The following MAP4K5 variants were observed in gnomAD, a reference collection of about 807,000 sequenced individuals.
MAP4K5 encodes the protein mitogen-activated protein kinase kinase kinase kinase 5.
In MAP4K5, 82 loss-of-function variants were observed where a neutral mutation model predicts 135.6. The observed-to-expected ratio is 0.60, with a 90% CI of 0.51 to 0.73. The LOEUF is 0.73. Ranked by LOEUF, MAP4K5 falls within the 30% of genes least tolerant of loss-of-function variation. The probability of loss-of-function intolerance (pLI) is 0.00; values close to 1 mark genes in which losing one functional copy is unlikely to be tolerated. For synonymous variants in MAP4K5, 347 were observed against 335.0 expected, an observed-to-expected ratio of 1.04 and a Z score of -0.39; for missense variants, 907 against 1,010.9, an observed-to-expected ratio of 0.90 and a Z score of 1.39.
At chr14:50,560,539 CCTT>C (rs1215938757) in intron 1 of MAP4K5, 1 of 565,682 alleles carries the variant, frequency 1.8e-6, no homozygotes, top group Admixed American at 3.0e-5. Context: ...GCCTCCAGCT[CCTT>C]CTTCCCCACC....
In MAP4K5 at chr14:50,531,183, T is replaced by C. The variant is rs182276174; in HGVS notation, c.108+759A>G. Among the ~76,000 whole-genome samples the C allele has an allele frequency of 2.7e-3, 417 of 152,344 alleles. 3 individuals carry two copies. The highest frequency in any genetic ancestry group is 9.3e-3 in the African/African-American group (385 of 41,576). On this transcript the variant is annotated intron_variant, in intron 2 of 32. Coordinates refer to ENST00000682126, the MANE Select transcript of MAP4K5 (RefSeq NM_006575.6). The stretch of plus-strand genomic sequence containing the variant: ...CAAGAACTCAGCGGATTTGGGGAAT[T>C]GGGTTTGCTTCTCTACAATGTTTTT...
intron 2 of MAP4K5, among the ~76,000 whole-genome samples, chr14:50,522,635 T>C (rs2038175451): frequency 6.6e-6 from 1 of 152,176 alleles, no homozygotes; most frequent in Non-Finnish European, 1.5e-5. Flanking sequence ...GGACAATCCT[T>C]CCTCTCTTAT....
chr14:50,546,365 G>GGT (rs143447484), intron 1 of MAP4K5, among the ~76,000 whole-genome samples: 2 of 150,750 alleles, frequency 1.3e-5, no homozygotes, highest in African/African-American at 4.9e-5. Flanking sequence ...AAAGGTACTG[G>GGT]GTGTGTGTGT....
chr14:50,491,126 C>G (rs1332330391), intron 3 of MAP4K5, among the ~76,000 whole-genome samples: 1 of 151,720 alleles, frequency 6.6e-6, no homozygotes, highest in Non-Finnish European at 1.5e-5. Context: ...AGCAGCAGAC[C>G]CTCAGATTTT....
At chr14:50,494,990 GAAGA>G (rs1167725294) in intron 3 of MAP4K5, among the ~76,000 whole-genome samples, 1 of 152,112 alleles carries the variant, frequency 6.6e-6, no homozygotes, top group Non-Finnish European at 1.5e-5. Flanking sequence ...AGAAATCACA[GAAGA>G]AAAGCTTCAT....
intron 9 of MAP4K5, among the ~76,000 whole-genome samples, chr14:50,470,832 T>G (rs927398938): frequency 6.6e-6 from 1 of 152,168 alleles, no homozygotes; most frequent in Non-Finnish European, 1.5e-5. Context: ...TTTCCCTCAA[T>G]TTTTATCATT....
chr14:50,423,059 A>G (rs1413567775), intron 32 of MAP4K5, 62 bp downstream of exon 32: 2 of 736,306 alleles, frequency 2.7e-6, no homozygotes, highest in South Asian at 1.9e-5. Flanking sequence ...GACTGACAGT[A>G]TAATTAAGAG....
At chr14:50,495,652 A>G (rs2037576366) in intron 3 of MAP4K5, among the ~76,000 whole-genome samples, 1 of 152,240 alleles carries the variant, frequency 6.6e-6, no homozygotes, top group South Asian at 2.1e-4. Flanking sequence ...CAAGAGGTAG[A>G]GGCAACCCAG....
At chr14:50,560,470 G>A (rs1053364380) in intron 1 of MAP4K5, 25 of 869,656 alleles carry the variant, frequency 2.9e-5, no homozygotes, top group Non-Finnish European at 3.9e-5. Flanking sequence ...ATGGCCGAGC[G>A]GTACCCGCGT....
intron 2 of MAP4K5, among the ~76,000 whole-genome samples, chr14:50,519,750 T>C (rs965060722): frequency 5.9e-5 from 9 of 152,132 alleles, no homozygotes; most frequent in African/African-American, 2.2e-4. Flanking sequence ...AAGAAGGCTA[T>C]CTATGCCAAG....
chr14:50,480,168 T>A (rs527834652), intron 6 of MAP4K5, among the ~76,000 whole-genome samples: 21 of 152,222 alleles, frequency 1.4e-4, no homozygotes, highest in South Asian at 1.0e-3. Flanking sequence ...GTTTTTTTTT[T>A]ATTTTAATTT....
At chr14:50,525,598 G>C (rs2038246185) in intron 2 of MAP4K5, among the ~76,000 whole-genome samples, 1 of 152,188 alleles carries the variant, frequency 6.6e-6, no homozygotes, top group Non-Finnish European at 1.5e-5. Flanking sequence ...CACTTTGGGA[G>C]GCAGAGGTGG....
intron 2 of MAP4K5, among the ~76,000 whole-genome samples, chr14:50,511,503 C>T (rs1348759142): frequency 6.6e-6 from 1 of 152,080 alleles, no homozygotes; most frequent in Non-Finnish European, 1.5e-5. Flanking sequence ...ACTACTACTA[C>T]AGGATAGCTA....
intron 14 of MAP4K5, among the ~76,000 whole-genome samples, chr14:50,453,922 G>A (rs558673438): frequency 2.6e-4 from 40 of 152,156 alleles, no homozygotes; most frequent in African/African-American, 9.6e-4. Flanking sequence ...TGCCCCTGGT[G>A]GTCTTAGACT....
chr14:50,514,210 C>G (rs573949853), intron 2 of MAP4K5, among the ~76,000 whole-genome samples: 1 of 151,174 alleles, frequency 6.6e-6, no homozygotes, highest in African/African-American at 2.4e-5. Context: ...CCTGAGTAGC[C>G]GGGACTAAGG....
chr14:50,441,067 C>G (rs74053505), intron 21 of MAP4K5, among the ~76,000 whole-genome samples: 2,739 of 152,160 alleles, frequency 0.018, 80 homozygotes, highest in African/African-American at 0.061. Context: ...AGAGATAGAT[C>G]ATATCGCATG....
At position 50,425,944 on chromosome 14, in the gene MAP4K5, T is replaced by C; in HGVS notation, c.2360A>G (p.Lys787Arg). The change falls in exon 31 of 33, where the codon AAA becomes AGA. Residue 787 changes from lysine (K) to arginine (R), a missense_variant. Around this residue, in one of 3 missense-constraint regions of MAP4K5, gnomAD observed 690 missense variants for 777.4 expected, o/e 0.89. Coordinates refer to ENST00000682126, the MANE Select transcript of MAP4K5 (RefSeq NM_006575.6). ...GAAGCTTTTACCCTGCATCCCATGTTTCCAGAAAGCCAACACACTGTCTTG... is the reference window on the plus strand; with the variant it reads ...GAAGCTTTTACCCTGCATCCCATGTCTCCAGAAAGCCAACACACTGTCTTG... ...CLQDSVLAFW[K>R]HGMQGKSFKS... 6.2e-7 allele frequency: 1 copy of C among 1,612,882 alleles called. No homozygotes were observed. The highest frequency in any genetic ancestry group is 8.5e-7 in the Non-Finnish European group (1 of 1,179,266).
chr14:50,455,027 T>C (rs972638864), intron 14 of MAP4K5, among the ~76,000 whole-genome samples: 2 of 151,836 alleles, frequency 1.3e-5, no homozygotes, highest in African/African-American at 4.8e-5. Flanking sequence ...ATTTCCAGAA[T>C]AGAATAGAAT....
chr14:50,440,528 C>T, intron 21 of MAP4K5, 87 bp from the exon 22 acceptor site: 1 of 638,442 alleles, frequency 1.6e-6, no homozygotes, highest in South Asian at 2.3e-5. Flanking sequence ...GTAATGGCAT[C>T]AAGAATTAGC....
Sources: allele counts gnomAD v4.1 joint callset (sites outside exome capture counted in the v4.1 genomes callset), GRCh38; gene constraint gnomAD v4.1.1; regional missense constraint gnomAD v4.1.1; transcripts MANE v1.5; gene names NCBI Gene and HGNC (gene_info 2026-07-23, HGNC 2026-07-21).